The following DLG2 variants were observed in gnomAD, a reference collection of about 807,000 sequenced individuals.
The protein encoded by DLG2 is disks large homolog 2.
A neutral mutation model predicts 132.5 loss-of-function variants in DLG2; 45 were observed. The observed-to-expected ratio is 0.34, with a 90% CI of 0.27 to 0.44. The LOEUF (loss-of-function observed/expected upper bound fraction) is 0.44. Among genes scored for constraint, DLG2 ranks in the 20% least tolerant of loss-of-function variants. The pLI is 1.00. For synonymous variants in DLG2, 424 were observed against 419.6 expected (o/e 1.01, Z -0.13); for missense variants, 1,045 against 1,196.9 (o/e 0.87, Z 1.87).
chr11:83,702,460 A>G (rs1386662503), intron 18 of DLG2, among the ~76,000 whole-genome samples: 2 of 152,226 alleles, frequency 1.3e-5, no homozygotes, highest in Non-Finnish European at 2.9e-5. Context: ...CAAGACTGAC[A>G]CAGTTCTACA....
At chr11:84,108,602 T>C (rs2093132643) in intron 9 of DLG2, among the ~76,000 whole-genome samples, 1 of 151,900 alleles carries the variant, frequency 6.6e-6, no homozygotes, top group South Asian at 2.1e-4. Flanking sequence ...CCAGAATAGC[T>C]ATGCAGTGGT....
intron 7 of DLG2, among the ~76,000 whole-genome samples, chr11:84,251,608 T>C (rs1000586706): frequency 4.6e-5 from 7 of 151,748 alleles, no homozygotes; most frequent in Non-Finnish European, 1.0e-4. Flanking sequence ...TTCTAATAAA[T>C]TGGGTAAGAG....
chr11:84,807,398 A>G (rs531513212), intron 6 of DLG2, among the ~76,000 whole-genome samples: 1 of 152,332 alleles, frequency 6.6e-6, no homozygotes, highest in African/African-American at 2.4e-5. Flanking sequence ...GTGAGCCGAG[A>G]TTGTGCCATT....
intron 6 of DLG2, among the ~76,000 whole-genome samples, chr11:84,631,410 T>C (rs1389980131): frequency 3.9e-5 from 6 of 152,160 alleles, no homozygotes; most frequent in Non-Finnish European, 8.8e-5. Flanking sequence ...AAATGAACTG[T>C]GCTATAGAGA....
intron 6 of DLG2, among the ~76,000 whole-genome samples, chr11:84,727,624 A>C (rs986134444): frequency 1.3e-5 from 2 of 151,918 alleles, no homozygotes; most frequent in African/African-American, 4.8e-5. Context: ...TTTTTTTCCA[A>C]TTCTGTGAAG....
At chr11:84,731,363 C>A (rs2063130177) in intron 6 of DLG2, among the ~76,000 whole-genome samples, 1 of 151,950 alleles carries the variant, frequency 6.6e-6, no homozygotes, top group African/African-American at 2.4e-5. Context: ...ATGGAGATTA[C>A]AAACCAATGG....
intron 7 of DLG2, among the ~76,000 whole-genome samples, chr11:84,357,478 C>T (rs1459152708): frequency 6.6e-6 from 1 of 151,968 alleles, no homozygotes; most frequent in Non-Finnish European, 1.5e-5. Flanking sequence ...GAACCTATCA[C>T]AGTTTAATTT....
chr11:85,235,892 C>T (rs1324311961), intron 4 of DLG2, among the ~76,000 whole-genome samples: 1 of 151,516 alleles, frequency 6.6e-6, no homozygotes, highest in Non-Finnish European at 1.5e-5. Flanking sequence ...CAAAGGGGTA[C>T]TTTTGGAAGT....
At chr11:83,484,340 T>A (rs1462323946) in intron 21 of DLG2, 112 bp from the exon 22 acceptor site, 1 of 740,080 alleles carries the variant, frequency 1.4e-6, no homozygotes, top group Non-Finnish European at 2.3e-6. Flanking sequence ...GTGACGCAAG[T>A]GGATAATTCT....
At chr11:85,157,019 C>T (rs1238135444) in intron 4 of DLG2, among the ~76,000 whole-genome samples, 1 of 152,134 alleles carries the variant, frequency 6.6e-6, no homozygotes, top group Non-Finnish European at 1.5e-5. Context: ...GCAGACTTAT[C>T]CTTAATCTGG....
At chr11:85,133,034 G>C (rs903060839) in intron 5 of DLG2, 1 of 346,056 alleles carries the variant, frequency 2.9e-6, no homozygotes, top group African/African-American at 2.1e-5. Context: ...AAAACTTCCC[G>C]GTGGCTTCCT....
chr11:85,611,455 A>T (rs1006131906), intron 2 of DLG2, among the ~76,000 whole-genome samples: 1 of 152,192 alleles, frequency 6.6e-6, no homozygotes, highest in Non-Finnish European at 1.5e-5. Flanking sequence ...TGACTGCCAA[A>T]CTTATAGTCC....
At chr11:83,868,951 C>T (rs1157788575) in intron 16 of DLG2, among the ~76,000 whole-genome samples, 9 of 152,164 alleles carry the variant, frequency 5.9e-5, no homozygotes, top group African/African-American at 2.2e-4. Flanking sequence ...GGCCAGCTAC[C>T]TAAAGTCCAA....
At chr11:85,523,827 C>T (rs1441184479) in intron 3 of DLG2, among the ~76,000 whole-genome samples, 1 of 152,100 alleles carries the variant, frequency 6.6e-6, no homozygotes, top group African/African-American at 2.4e-5. Flanking sequence ...TTGGAAGCAA[C>T]CTAAGTGTCC....
chr11:85,219,267 G>C (rs2082845564), intron 4 of DLG2, among the ~76,000 whole-genome samples: 1 of 152,024 alleles, frequency 6.6e-6, no homozygotes, highest in Admixed American at 6.6e-5. Flanking sequence ...CTTCATAAAA[G>C]CTTTTTCTGA....
chr11:84,187,953 A>G (rs2096314588), intron 8 of DLG2, among the ~76,000 whole-genome samples: 1 of 152,144 alleles, frequency 6.6e-6, no homozygotes, highest in African/African-American at 2.4e-5. Context: ...TGTAACCACT[A>G]CTGCCTGAAA....
In DLG2 at chr11:83,541,571, C is replaced by T. The variant is rs2096068406; in HGVS notation, c.2117+111G>A. 6 of 971,396 alleles carry T rather than the reference C, an allele frequency of 6.2e-6. No homozygotes were observed. The East Asian group carries it at 1.1e-4, about 18-fold the overall frequency. The allele number at this position is 971,396 out of a possible 1,614,324, so 60.2% of individuals were successfully genotyped here. On this transcript the variant is annotated intron_variant, in intron 20 of 27. Coordinates refer to ENST00000376104, the MANE Select transcript of DLG2 (RefSeq NM_001142699.3). ...ACAATTTTCCTGCAGATTGACTATC[C>T]CATTTAAATAAATTTAATTTTGTGA...
chr11:84,872,876 G>C (rs2085698454), intron 6 of DLG2, among the ~76,000 whole-genome samples: 1 of 152,166 alleles, frequency 6.6e-6, no homozygotes, highest in South Asian at 2.1e-4. Flanking sequence ...TACATACATG[G>C]CTTTTTATGT....
At chr11:85,406,602 G>T (rs760563084) in intron 3 of DLG2, among the ~76,000 whole-genome samples, 1 of 151,768 alleles carries the variant, frequency 6.6e-6, no homozygotes, top group Admixed American at 6.6e-5. Flanking sequence ...AAAAAATGCC[G>T]AGAGTCAGAA....
Sources: gnomAD v4.1 joint callset for allele counts (sites outside exome capture counted in the v4.1 genomes callset) on GRCh38, gnomAD v4.1.1 for gene constraint, MANE v1.5 for transcripts, NCBI Gene and HGNC (gene_info 2026-07-23, HGNC 2026-07-21) for gene names.